GOLGA4: variants seen among roughly 807,000 people sequenced by gnomAD.
GOLGA4 encodes golgin subfamily A member 4.
In GOLGA4, 169 loss-of-function variants were observed where a neutral mutation model predicts 265.9. That is an observed-to-expected ratio of 0.64 (90% CI 0.56 to 0.72). The LOEUF (loss-of-function observed/expected upper bound fraction) is 0.72. Among genes scored for constraint, GOLGA4 ranks in the 30% least tolerant of loss-of-function variants. GOLGA4 has a pLI of 0.00. For missense variants in GOLGA4, 2,482 were observed against 2,483.4 expected (o/e 1.00, Z 0.01); for synonymous variants, 923 against 855.8 (o/e 1.08, Z -1.37).
At chr3:37,360,744 T>C (rs1284917963) in intron 22 of GOLGA4, among the ~76,000 whole-genome samples, 1 of 152,170 alleles carries the variant, frequency 6.6e-6, no homozygotes, top group Admixed American at 6.5e-5. Context: ...TGATACATTG[T>C]TGAATTACAA....
At chr3:37,286,966 G>A (rs1456956209) in intron 4 of GOLGA4, among the ~76,000 whole-genome samples, 1 of 152,164 alleles carries the variant, frequency 6.6e-6, no homozygotes, top group Non-Finnish European at 1.5e-5. Context: ...TTCCCACTAG[G>A]TATTCCAGGT....
At chr3:37,345,983 T>C (rs1178359489) in intron 20 of GOLGA4, among the ~76,000 whole-genome samples, 1 of 151,908 alleles carries the variant, frequency 6.6e-6, no homozygotes, top group South Asian at 2.1e-4. Flanking sequence ...TTTAATAAAA[T>C]TGCTTATTTT....
chr3:37,342,087 A>G lies in GOLGA4; in HGVS notation c.6472+1888A>G, dbSNP rs372710407. 2.9e-3 allele frequency among the ~76,000 whole-genome samples: 447 copies of G among 152,270 alleles called. 5 individuals are homozygous for G. Among genetic ancestry groups the G allele is most frequent in the African/African-American group, 9.9e-3 (410 of 41,550 alleles). On this transcript the variant is annotated intron_variant, in intron 20 of 23. Coordinates refer to ENST00000361924, the MANE Select transcript of GOLGA4 (RefSeq NM_002078.5). Reference sequence around the variant, plus strand: ...GCCGGGTGGGGTGGCTCATGCCTGTAATCCCAGCACTTTGGGAGGCCAAAG... The same window carrying G: ...GCCGGGTGGGGTGGCTCATGCCTGTGATCCCAGCACTTTGGGAGGCCAAAG...
At chr3:37,254,450 T>A (rs1056753327) in intron 2 of GOLGA4, among the ~76,000 whole-genome samples, 1 of 151,642 alleles carries the variant, frequency 6.6e-6, no homozygotes, top group African/African-American at 2.4e-5. Flanking sequence ...GTTTTTTTGT[T>A]TGTTTTTTGT....
At chr3:37,263,183 A>G (rs540303635) in intron 2 of GOLGA4, among the ~76,000 whole-genome samples, 1 of 152,356 alleles carries the variant, frequency 6.6e-6, no homozygotes, top group African/African-American at 2.4e-5. Context: ...TACGATGTTC[A>G]GTACAGTAAC....
At position 37,276,158 on chromosome 3, in the gene GOLGA4, G is replaced by T; in HGVS notation, c.163-5800G>T. The T allele has an allele frequency of 1.9e-6, 3 of 1,602,344 alleles. No homozygotes were observed. In the South Asian group the frequency reaches 3.3e-5, roughly 18 times the overall value. On this transcript the variant is annotated intron_variant, in intron 2 of 23. Transcript: ENST00000361924. The stretch of plus-strand genomic sequence containing the variant: ...GCTTGCTGCAGCTCTTCGAACAGGG[G>T]ATGACTACATTGCAATTGGAGCTGA...
At chr3:37,245,781 C>T (rs1190271516) in intron 1 of GOLGA4, among the ~76,000 whole-genome samples, 1 of 152,018 alleles carries the variant, frequency 6.6e-6, no homozygotes, top group East Asian at 1.9e-4. Context: ...CCAGGCTGGT[C>T]TCCAACTCCG....
intron 6 of GOLGA4, among the ~76,000 whole-genome samples, chr3:37,295,509 A>T (rs1239794442): frequency 1.3e-5 from 2 of 152,028 alleles, no homozygotes; most frequent in African/African-American, 4.8e-5. Flanking sequence ...ATGAGCCACC[A>T]CTCCTAGCTC....
chr3:37,280,936 T>C (rs2096833089), intron 2 of GOLGA4, among the ~76,000 whole-genome samples: 1 of 152,218 alleles, frequency 6.6e-6, no homozygotes, highest in Non-Finnish European at 1.5e-5. Flanking sequence ...ATTTCTGTTT[T>C]GATTTTTCAA....
At chr3:37,251,532 C>T in intron 2 of GOLGA4, 48 bp downstream of exon 2, 4 of 1,144,700 alleles carry the variant, frequency 3.5e-6, no homozygotes, top group Non-Finnish European at 5.3e-6. Flanking sequence ...AGAAACTAAT[C>T]TAAAATGTAT....
At position 37,324,236 on chromosome 3, in the gene GOLGA4, G is replaced by A; in HGVS notation, c.2350G>A (p.Ala784Thr). The change falls in exon 14 of 24, where the codon GCA becomes ACA. Residue 784 changes from alanine (A) to threonine (T), a missense_variant. Coordinates refer to ENST00000361924, the MANE Select transcript of GOLGA4 (RefSeq NM_002078.5). Reference sequence around the variant, plus strand: ...TCAGGCTCATGTAGAAAATTTAGAGGCAGATATTAAAAGGTCTGAAGGGGA... The same window carrying A: ...TCAGGCTCATGTAGAAAATTTAGAGACAGATATTAAAAGGTCTGAAGGGGA... ...EHQAHVENLE[A>T]DIKRSEGELQ... The A allele has an allele frequency of 6.2e-7, 1 of 1,614,156 alleles. No individual in the cohort carries two copies. Among genetic ancestry groups the A allele is most frequent in the Non-Finnish European group, 8.5e-7 (1 of 1,179,996 alleles).
intron 13 of GOLGA4, 107 bp downstream of exon 13, chr3:37,321,993 T>C: frequency 1.2e-6 from 1 of 853,920 alleles, no homozygotes. Flanking sequence ...ATTAGATTTA[T>C]GTATACATGC....
intron 1 of GOLGA4, among the ~76,000 whole-genome samples, chr3:37,249,330 A>C (rs9881975): frequency 0.015 from 2,295 of 152,300 alleles, 54 homozygotes; most frequent in African/African-American, 0.052. Flanking sequence ...TCTAAGTACA[A>C]TGTTGACTTT....
At chr3:37,264,542 C>T (rs2096778480) in intron 2 of GOLGA4, among the ~76,000 whole-genome samples, 1 of 152,048 alleles carries the variant, frequency 6.6e-6, no homozygotes, top group African/African-American at 2.4e-5. Flanking sequence ...TAATGTAGGA[C>T]CAAATGAACA....
In GOLGA4 at chr3:37,315,442, T is replaced by A; in HGVS notation, c.1257T>A (p.Ala419=). 1 of 1,613,324 alleles carries A rather than the reference T, an allele frequency of 6.2e-7. No homozygotes were observed. The highest frequency in any genetic ancestry group is 8.5e-7 in the Non-Finnish European group (1 of 1,179,762). ...ERAAFEELEK[A]LSTAQKTEEA... Reference sequence around the variant, plus strand: ...TAGCTTTTGAGGAACTTGAAAAAGCTTTGAGTACAGCCCAAAAAACAGAGG... The same window carrying A: ...TAGCTTTTGAGGAACTTGAAAAAGCATTGAGTACAGCCCAAAAAACAGAGG... The change falls in exon 11 of 24, where the codon GCT becomes GCA. Residue 419 remains alanine, a synonymous_variant. Transcript: ENST00000361924.
chr3:37,271,123 G>A (rs1056825962), intron 2 of GOLGA4, among the ~76,000 whole-genome samples: 1 of 152,098 alleles, frequency 6.6e-6, no homozygotes, highest in Non-Finnish European at 1.5e-5. Flanking sequence ...TGCGAGTGAC[G>A]GGGAGCAGGT....
intron 17 of GOLGA4, among the ~76,000 whole-genome samples, chr3:37,336,342 C>G (rs2097012621): frequency 6.6e-6 from 1 of 151,950 alleles, no homozygotes; most frequent in Non-Finnish European, 1.5e-5. Context: ...TCCTTAGTAT[C>G]AAAGTATTAA....
chr3:37,355,494 T>A (rs2097088630), intron 22 of GOLGA4, among the ~76,000 whole-genome samples: 1 of 152,260 alleles, frequency 6.6e-6, no homozygotes, highest in African/African-American at 2.4e-5. Flanking sequence ...ACATTTGTTC[T>A]GGTATATCCA....
chr3:37,276,171 C>G, intron 2 of GOLGA4: 1 of 1,596,290 alleles, frequency 6.3e-7, no homozygotes, highest in Non-Finnish European at 8.6e-7. Context: ...GACTACATTG[C>G]AATTGGAGCT....
Sources: gnomAD v4.1 joint callset for allele counts (sites outside exome capture counted in the v4.1 genomes callset) on GRCh38, gnomAD v4.1.1 for gene constraint, MANE v1.5 for transcripts, NCBI Gene and HGNC (gene_info 2026-07-23, HGNC 2026-07-21) for gene names.